CEP63: variants seen among roughly 807,000 people sequenced by gnomAD.
CEP63 encodes the protein centrosomal protein of 63 kDa.
CEP63 carries 84 observed loss-of-function variants against 89.1 expected under a neutral mutation model. The observed-to-expected ratio is 0.94, with a 90% CI of 0.79 to 1.13. The LOEUF is 1.13. CEP63 is among the 50% of genes most tolerant of loss of function. CEP63 has a pLI of 0.00. For synonymous variants in CEP63, 267 were observed against 272.5 expected (o/e 0.98, Z 0.20); for missense variants, 838 against 813.3 (o/e 1.03, Z -0.37).
At chr3:134,532,396 C>A (rs903039330) in intron 4 of CEP63, among the ~76,000 whole-genome samples, 5 of 152,110 alleles carry the variant, frequency 3.3e-5, no homozygotes, top group Non-Finnish European at 5.9e-5. Context: ...GATTTAATTG[C>A]AAAGTACTCT....
the CEP63 span, among the ~76,000 whole-genome samples, chr3:134,621,402 A>T: frequency 6.6e-6 from 1 of 152,258 alleles, no homozygotes; most frequent in Non-Finnish European, 1.5e-5. Context: ...GAGAGTCCAG[A>T]AATGGACCCA....
At chr3:134,509,968 C>T (rs1280615391) in intron 3 of CEP63, among the ~76,000 whole-genome samples, 1 of 152,092 alleles carries the variant, frequency 6.6e-6, no homozygotes, top group Non-Finnish European at 1.5e-5. Flanking sequence ...TGTTTCTATC[C>T]TAGAATCAAA....
the CEP63 span, among the ~76,000 whole-genome samples, chr3:134,767,063 G>T: frequency 5.8e-4 from 88 of 152,248 alleles, no homozygotes; most frequent in Non-Finnish European, 1.1e-3. Context: ...TCTGAAGGGG[G>T]ATCTGGTCTG....
chr3:134,490,647 T>TCCCATAAAACAAGTG (rs1937294477), intron 1 of CEP63, among the ~76,000 whole-genome samples: 1 of 150,608 alleles, frequency 6.6e-6, no homozygotes, highest in Admixed American at 6.6e-5. Flanking sequence ...TTAGCATAAT[T>TCCCATAAAACAAGTG]CCCATAAAAC....
At chr3:134,664,770 T>C in the CEP63 span, among the ~76,000 whole-genome samples, 1 of 89,254 alleles carries the variant, frequency 1.1e-5, no homozygotes, top group Non-Finnish European at 2.5e-5. Flanking sequence ...TTTCATTTTT[T>C]TGGGCCCTGG....
At chr3:134,569,449 G>A (rs1560071618), downstream of CEP63, among the ~76,000 whole-genome samples, 1 of 152,162 alleles carries the variant, frequency 6.6e-6, no homozygotes, top group Non-Finnish European at 1.5e-5. Context: ...GGGGCTGCAG[G>A]CCCCATGCAA....
intron 6 of CEP63, among the ~76,000 whole-genome samples, chr3:134,541,598 C>T (rs1421443410): frequency 6.6e-6 from 1 of 150,648 alleles, no homozygotes; most frequent in Non-Finnish European, 1.5e-5. Context: ...TCGCTGCAAC[C>T]TCCGCCTCCC....
the CEP63 span, among the ~76,000 whole-genome samples, chr3:134,767,017 T>A: frequency 1.3e-5 from 2 of 152,156 alleles, no homozygotes; most frequent in Non-Finnish European, 2.9e-5. Flanking sequence ...CATAGCCACT[T>A]GGATACTCAC....
At chr3:134,586,686 G>T (rs1007124497) in intron 10 of CEP63, among the ~76,000 whole-genome samples, 3 of 152,054 alleles carry the variant, frequency 2.0e-5, no homozygotes, top group Admixed American at 1.3e-4. Flanking sequence ...TGCTCTTCTC[G>T]AGGAGTATCT....
the CEP63 span, among the ~76,000 whole-genome samples, chr3:134,756,483 A>G: frequency 1.3e-5 from 2 of 152,172 alleles, no homozygotes; most frequent in Admixed American, 1.3e-4. Flanking sequence ...AGCTGGGGGT[A>G]GCTAAGACTG....
the CEP63 span, among the ~76,000 whole-genome samples, chr3:134,629,081 G>A: frequency 2.0e-5 from 3 of 152,164 alleles, no homozygotes; most frequent in Admixed American, 1.3e-4. Flanking sequence ...AGACATCATC[G>A]TCCTGGGCCT....
chr3:134,609,439 G>T, the CEP63 span, among the ~76,000 whole-genome samples: 2 of 152,172 alleles, frequency 1.3e-5, no homozygotes, highest in Non-Finnish European at 2.9e-5. Context: ...CGAGCCCTGC[G>T]TGTAGGATGT....
In CEP63 at chr3:134,529,541, G is replaced by A. The variant is rs565392977; in HGVS notation, c.223-2304G>A. On this transcript the variant is annotated intron_variant, in intron 3 of 14. Transcript: ENST00000675561. ...TTTTTGGTAGAGATGAGGTTTTGTC[G>A]TGTTGGCCAGGCTGGTCTCAAACTC... 2.2e-4 allele frequency among the ~76,000 whole-genome samples: 34 copies of A among 152,052 alleles called. 1 individual carries two copies. In the South Asian group the frequency reaches 4.6e-3, roughly 20 times the overall value.
the CEP63 span, among the ~76,000 whole-genome samples, chr3:134,746,072 C>G: frequency 5.3e-5 from 8 of 151,824 alleles, no homozygotes; most frequent in African/African-American, 1.7e-4. Context: ...TCCACCACCC[C>G]CCCCACCCCA....
the CEP63 span, among the ~76,000 whole-genome samples, chr3:134,710,535 A>G: frequency 6.6e-6 from 1 of 152,176 alleles, no homozygotes; most frequent in East Asian, 1.9e-4. Context: ...TGAACAATTC[A>G]AACAGTGTGG....
chr3:134,570,392 C>G (rs891407878), intron 11 of CEP63, among the ~76,000 whole-genome samples: 1 of 152,190 alleles, frequency 6.6e-6, no homozygotes, highest in African/African-American at 2.4e-5. Flanking sequence ...GAAATTTCTT[C>G]TGCCAGATAC....
At chr3:134,504,635 A>G (rs1559885822) in intron 2 of CEP63, among the ~76,000 whole-genome samples, 1 of 152,144 alleles carries the variant, frequency 6.6e-6, no homozygotes, top group Non-Finnish European at 1.5e-5. Flanking sequence ...CTTTATTTGG[A>G]TATCTATATC....
At chr3:134,696,284 A>G in the CEP63 span, among the ~76,000 whole-genome samples, 1 of 152,166 alleles carries the variant, frequency 6.6e-6, no homozygotes, top group Non-Finnish European at 1.5e-5. Context: ...TTGCTTGTGC[A>G]TTCTCTGCCT....
chr3:134,679,269 C>A, the CEP63 span, among the ~76,000 whole-genome samples: 1 of 152,200 alleles, frequency 6.6e-6, no homozygotes, highest in Admixed American at 6.5e-5. Context: ...GAAGAGAAAA[C>A]TGAATATTAA....
Sources: allele counts gnomAD v4.1 joint callset (sites outside exome capture counted in the v4.1 genomes callset), GRCh38; gene constraint gnomAD v4.1.1; transcripts MANE v1.5; gene names NCBI Gene and HGNC (gene_info 2026-07-23, HGNC 2026-07-21).